The following SLC4A8 variants were observed in gnomAD, a reference collection of about 807,000 sequenced individuals.
SLC4A8 encodes the protein electroneutral sodium bicarbonate exchanger 1.
In SLC4A8, 40 loss-of-function variants were observed where a neutral mutation model predicts 125.0. The observed-to-expected ratio is 0.32, with a 90% CI of 0.25 to 0.42. SLC4A8 has a LOEUF of 0.42. Among genes scored for constraint, SLC4A8 ranks in the 10% least tolerant of loss-of-function variants. The pLI is 1.00. For missense variants in SLC4A8, 863 were observed against 1,355.1 expected (o/e 0.64, Z 5.70); for synonymous variants, 456 against 476.0 (o/e 0.96, Z 0.55).
chr12:51,482,884 A>G (rs1384493121), intron 16 of SLC4A8, among the ~76,000 whole-genome samples: 3 of 152,200 alleles, frequency 2.0e-5, no homozygotes, highest in Admixed American at 6.5e-5. Flanking sequence ...AAACCAATGT[A>G]TATGTAAGAC....
chr12:51,468,876 C>T (rs34535569), intron 11 of SLC4A8, among the ~76,000 whole-genome samples: 2,879 of 152,324 alleles, frequency 0.019, 35 homozygotes, highest in Non-Finnish European at 0.029. Context: ...TCATATCTCT[C>T]AGCACCTTGA....
At chr12:51,425,272 G>T in intron 1 of SLC4A8, 2 of 1,311,126 alleles carry the variant, frequency 1.5e-6, no homozygotes, top group Middle Eastern at 2.9e-4. Flanking sequence ...CGCATCCCTT[G>T]CGCCGCCCGC....
At chr12:51,495,407 A>G (rs1592273121) in intron 21 of SLC4A8, among the ~76,000 whole-genome samples, 3 of 151,022 alleles carry the variant, frequency 2.0e-5, no homozygotes, top group South Asian at 4.2e-4. Flanking sequence ...GGTACGTCAT[A>G]TAAGTGAATC....
At chr12:51,500,213 G>A (rs1009188948) in intron 22 of SLC4A8, among the ~76,000 whole-genome samples, 4 of 152,088 alleles carry the variant, frequency 2.6e-5, no homozygotes, top group African/African-American at 7.2e-5. Flanking sequence ...AGTTCGAGGT[G>A]GCTGGTAGAC....
intron 1 of SLC4A8, among the ~76,000 whole-genome samples, chr12:51,416,405 G>A (rs1404383820): frequency 2.0e-5 from 3 of 152,134 alleles, no homozygotes; most frequent in Admixed American, 1.3e-4. Context: ...CACTTTGGGA[G>A]GACGTGACAG....
intron 1 of SLC4A8, among the ~76,000 whole-genome samples, chr12:51,396,600 T>C (rs1948267345): frequency 6.6e-6 from 1 of 151,928 alleles, no homozygotes; most frequent in Non-Finnish European, 1.5e-5. Context: ...CCCAGCACTT[T>C]GGGAGGCTGA....
intron 19 of SLC4A8, among the ~76,000 whole-genome samples, chr12:51,493,109 C>G (rs982962512): frequency 6.6e-6 from 1 of 152,106 alleles, no homozygotes; most frequent in African/African-American, 2.4e-5. Context: ...ACCTCAGAGT[C>G]AATCTGAAGA....
In SLC4A8 at chr12:51,513,999, T is replaced by C. The variant is rs944685388; in HGVS notation, c.*6561T>C. On this transcript the variant is annotated 3_prime_UTR_variant, in exon 25 of 25. Coordinates refer to ENST00000453097, the MANE Select transcript of SLC4A8 (RefSeq NM_001039960.3). ...TAATTCTCCCTGCATCTTCTCTGTT[T>C]ATTTCAATGTCCATGTTCTGAGTCT... The C allele has an allele frequency of 6.6e-6, 1 of 152,284 alleles. No homozygotes were observed. The highest frequency in any genetic ancestry group is 2.4e-5 in the African/African-American group (1 of 41,462). The allele number at this position is 152,284 out of a possible 1,614,324, so 9.4% of individuals were successfully genotyped here. A position where few individuals can be genotyped will look rare whatever the true frequency, so the allele number is the denominator to read the frequency against.
At chr12:51,501,279 C>T (rs888037835) in intron 22 of SLC4A8, among the ~76,000 whole-genome samples, 2 of 152,184 alleles carry the variant, frequency 1.3e-5, no homozygotes, top group African/African-American at 4.8e-5. Flanking sequence ...GAACATAGTA[C>T]CCCATAGGTA....
In SLC4A8 at chr12:51,453,519, G is replaced by A; in HGVS notation, c.414-20G>A. The A allele has an allele frequency of 6.2e-7, 1 of 1,609,528 alleles. No individual in the cohort carries two copies. ...CCTCATTTTCTATCTTTGGCATCTA[G>A]TTATTTGTAATGCTTTCAGGTGGCT... On this transcript the variant is annotated intron_variant, in intron 4 of 24. Coordinates refer to ENST00000453097, the MANE Select transcript of SLC4A8 (RefSeq NM_001039960.3).
rs141790872 is a variant in SLC4A8 at position 51,467,728 on chromosome 12, A to G, written c.1350-1886A>G. Among the ~76,000 whole-genome samples, 1,098 of 152,350 alleles carry G rather than the reference A, an allele frequency of 7.2e-3. 7 individuals carry two copies. Among genetic ancestry groups the G allele is most frequent in the Non-Finnish European group, 0.012 (812 of 68,038 alleles). ...ATGAACCCCCATGTACCCATCAACTATTACCAACATTTTGCCAATCTTGTT... is the reference window on the plus strand; with the variant it reads ...ATGAACCCCCATGTACCCATCAACTGTTACCAACATTTTGCCAATCTTGTT... On this transcript the variant is annotated intron_variant, in intron 11 of 24. Coordinates refer to ENST00000453097, the MANE Select transcript of SLC4A8 (RefSeq NM_001039960.3).
intron 21 of SLC4A8, 67 bp downstream of exon 21, chr12:51,495,185 C>G: frequency 7.3e-7 from 1 of 1,364,636 alleles, no homozygotes; most frequent in South Asian, 1.4e-5. Flanking sequence ...AATATTATAA[C>G]TTTAAAATTT....
At chr12:51,428,119 T>C (rs774293348) in intron 1 of SLC4A8, among the ~76,000 whole-genome samples, 2 of 152,190 alleles carry the variant, frequency 1.3e-5, no homozygotes, top group African/African-American at 2.4e-5. Flanking sequence ...TCATTCCCTC[T>C]GCCCAGGATG....
At chr12:51,478,212 T>C (rs1592251222) in intron 16 of SLC4A8, among the ~76,000 whole-genome samples, 1 of 150,934 alleles carries the variant, frequency 6.6e-6, no homozygotes, top group Non-Finnish European at 1.5e-5. Flanking sequence ...GAGGCGGAGG[T>C]TGCAGTGAGC....
At chr12:51,451,580 AAC>A (rs1220655366) in intron 3 of SLC4A8, among the ~76,000 whole-genome samples, 9 of 152,252 alleles carry the variant, frequency 5.9e-5, no homozygotes, top group Admixed American at 1.3e-4. Flanking sequence ...TCTGCCTGCA[AAC>A]ACACAGACTT....
At position 51,451,838 on chromosome 12, in the gene SLC4A8, C is replaced by T. The variant is rs535749806; in HGVS notation, c.278-286C>T. ...CAGTTCTGACCCCCTAAAATCAATA[C>T]TATAATAGGTAAAACCCCTTGCTAG... is the stretch of plus-strand genomic sequence containing the variant. On this transcript the variant is annotated intron_variant, in intron 3 of 24. Transcript: ENST00000453097. Among the ~76,000 whole-genome samples the T allele has an allele frequency of 8.6e-5, 13 of 150,970 alleles. No individual in the cohort carries two copies. The South Asian group carries it at 1.3e-3, about 15-fold the overall frequency.
At chr12:51,478,652 C>T (rs1255419587) in intron 16 of SLC4A8, among the ~76,000 whole-genome samples, 2 of 152,086 alleles carry the variant, frequency 1.3e-5, no homozygotes, top group Non-Finnish European at 1.5e-5. Flanking sequence ...ATTACTCAGT[C>T]GAATGAAACA....
At chr12:51,453,823 C>T (rs1950043777) in intron 5 of SLC4A8, 124 bp downstream of exon 5, 4 of 831,762 alleles carry the variant, frequency 4.8e-6, no homozygotes, top group Non-Finnish European at 5.6e-6. Flanking sequence ...CCACAACCTT[C>T]CTGGCCTCAA....
At chr12:51,502,704 C>T (rs1041140794) in intron 22 of SLC4A8, among the ~76,000 whole-genome samples, 3 of 151,968 alleles carry the variant, frequency 2.0e-5, no homozygotes, top group South Asian at 4.2e-4. Context: ...AAGTAACAGA[C>T]GTTGGCATGG....
Sources: allele counts gnomAD v4.1 joint callset (sites outside exome capture counted in the v4.1 genomes callset), GRCh38; gene constraint gnomAD v4.1.1; transcripts MANE v1.5; gene names NCBI Gene and HGNC (gene_info 2026-07-23, HGNC 2026-07-21).